CTIF: variants seen among roughly 807,000 people sequenced by gnomAD.
CTIF encodes CBP80/20-dependent translation initiation factor.
In CTIF, 21 loss-of-function variants were observed where a neutral mutation model predicts 66.0. That is an observed-to-expected ratio of 0.32 (90% CI 0.23 to 0.46). The LOEUF (loss-of-function observed/expected upper bound fraction) is 0.46, where lower values mean the gene tolerates loss of function less well. Ranked by LOEUF, CTIF falls within the 20% of genes least tolerant of loss-of-function variation. The pLI is 1.00. For synonymous variants in CTIF, 345 were observed against 326.4 expected (o/e 1.06, Z -0.62); for missense variants, 739 against 812.7 (o/e 0.91, Z 1.10).
intron 1 of CTIF, among the ~76,000 whole-genome samples, chr18:48,596,614 A>G (rs749359313): frequency 3.9e-5 from 6 of 151,962 alleles, no homozygotes; most frequent in Admixed American, 6.5e-5. Context: ...AGTAGCTGGG[A>G]CAACAGGTGT....
chr18:48,624,806 C>T (rs975104251), intron 2 of CTIF, among the ~76,000 whole-genome samples: 4 of 152,180 alleles, frequency 2.6e-5, no homozygotes, highest in African/African-American at 9.7e-5. Flanking sequence ...GGAAAGATAA[C>T]ATGTAGGAAC....
chr18:48,817,274 G>A lies in CTIF; in HGVS notation c.1425G>A (p.Leu475=). ...ELQQQDVERW[L]GFITFLCEVF... is the part of the protein sequence containing the mutation. ...AGCAGCAGGACGTGGAGCGCTGGCT[G>A]GGCTTCATCACCTTCCTGTGCGAGG... The change falls in exon 10 of 12, where the codon CTG becomes CTA. Residue 475 remains leucine (L), a synonymous_variant. Coordinates refer to ENST00000256413, the MANE Select transcript of CTIF (RefSeq NM_014772.3). The A allele has an allele frequency of 6.2e-7, 1 of 1,614,026 alleles. No individual in the cohort carries two copies. The highest frequency in any genetic ancestry group is 8.5e-7 in the Non-Finnish European group (1 of 1,179,958).
At chr18:48,607,474 A>G (rs149033307) in intron 1 of CTIF, among the ~76,000 whole-genome samples, 1,975 of 152,324 alleles carry the variant, frequency 0.013, 33 homozygotes, top group African/African-American at 0.038. Context: ...GCTAATACCA[A>G]GGTGGGCAGA....
At chr18:48,811,475 A>G (rs919165013) in intron 9 of CTIF, among the ~76,000 whole-genome samples, 1 of 152,210 alleles carries the variant, frequency 6.6e-6, no homozygotes, top group Admixed American at 6.5e-5. Context: ...GTACAGTTCA[A>G]TAGTGTAGAG....
intron 10 of CTIF, among the ~76,000 whole-genome samples, chr18:48,833,000 C>CT (rs1467416054): frequency 1.3e-5 from 2 of 152,150 alleles, no homozygotes; most frequent in East Asian, 3.9e-4. Context: ...CCAAGCTCTA[C>CT]TTTTTTTGGA....
intron 9 of CTIF, among the ~76,000 whole-genome samples, chr18:48,772,028 A>G (rs1234292955): frequency 1.3e-5 from 2 of 152,214 alleles, no homozygotes; most frequent in African/African-American, 4.8e-5. Context: ...GCTCCCAGCC[A>G]CTACCAAGAG....
At chr18:48,553,493 G>C (rs2088939163) in intron 1 of CTIF, among the ~76,000 whole-genome samples, 2 of 152,092 alleles carry the variant, frequency 1.3e-5, no homozygotes, top group African/African-American at 4.8e-5. Context: ...CTGTAACCAG[G>C]GCAGTCAGAA....
At chr18:48,706,799 T>C (rs1204335079) in intron 6 of CTIF, among the ~76,000 whole-genome samples, 1 of 152,338 alleles carries the variant, frequency 6.6e-6, no homozygotes, top group East Asian at 1.9e-4. Flanking sequence ...GTGTTCCACG[T>C]GTACTCTGCC....
chr18:48,659,349 C>T (rs1211097191), intron 3 of CTIF, among the ~76,000 whole-genome samples: 1 of 152,162 alleles, frequency 6.6e-6, no homozygotes, highest in East Asian at 1.9e-4. Context: ...GGCCCGATGC[C>T]TTGCCCACTG....
At chr18:48,712,378 A>C (rs969391972) in intron 7 of CTIF, among the ~76,000 whole-genome samples, 1 of 152,202 alleles carries the variant, frequency 6.6e-6, no homozygotes, top group African/African-American at 2.4e-5. Flanking sequence ...ATTTATTTTC[A>C]AAAAGGCTTT....
chr18:48,725,621 G>A (rs1025862451), intron 7 of CTIF, among the ~76,000 whole-genome samples: 6 of 152,116 alleles, frequency 3.9e-5, no homozygotes, highest in African/African-American at 1.2e-4. Flanking sequence ...CCTGCATCCC[G>A]TTTTGTGAAC....
rs75188898 is a variant in CTIF, at chr18:48,548,324, C to T, written c.-29+9012C>T. ...TGGGGCATTTGCTGAGATACTTACA[C>T]GTTTGAACCATGAGATCAAGAAAGT... On this transcript the variant is annotated intron_variant, in intron 1 of 11. Coordinates refer to ENST00000256413, the MANE Select transcript of CTIF (RefSeq NM_014772.3). Among the ~76,000 whole-genome samples, 11 of 152,316 alleles carry T rather than the reference C, an allele frequency of 7.2e-5. No individual in the cohort carries two copies. The East Asian group carries it at 1.7e-3, about 24-fold the overall frequency.
intron 9 of CTIF, among the ~76,000 whole-genome samples, chr18:48,807,584 T>G (rs1250927553): frequency 2.9e-5 from 3 of 102,256 alleles, no homozygotes; most frequent in African/African-American, 1.2e-4. Context: ...TGTTGTGTTT[T>G]TTTTTTTTTT....
chr18:48,730,224 C>T (rs557506341), intron 7 of CTIF, among the ~76,000 whole-genome samples: 36 of 144,550 alleles, frequency 2.5e-4, no homozygotes, highest in Admixed American at 6.1e-4. Flanking sequence ...GTGAGGAGCC[C>T]CCGAAGTGTG....
chr18:48,602,503 G>T (rs960948826), intron 1 of CTIF, among the ~76,000 whole-genome samples: 2 of 152,154 alleles, frequency 1.3e-5, no homozygotes, highest in Admixed American at 6.5e-5. Context: ...TTTTCTCTGT[G>T]GTTCATAAAA....
At chr18:48,584,363 A>G (rs2089723948) in intron 1 of CTIF, among the ~76,000 whole-genome samples, 1 of 152,172 alleles carries the variant, frequency 6.6e-6, no homozygotes, top group Non-Finnish European at 1.5e-5. Context: ...TGCACAAGAA[A>G]CCAGGGACTA....
chr18:48,632,687 C>G (rs777260426), intron 2 of CTIF, among the ~76,000 whole-genome samples: 7 of 152,168 alleles, frequency 4.6e-5, no homozygotes, highest in Non-Finnish European at 8.8e-5. Context: ...AGCCTGTTGC[C>G]CCTCTTGGGC....
chr18:48,842,144 C>G (rs2068959646), intron 10 of CTIF, among the ~76,000 whole-genome samples: 1 of 152,208 alleles, frequency 6.6e-6, no homozygotes, highest in Non-Finnish European at 1.5e-5. Context: ...GTTTTCGAAG[C>G]TCCTGGACTT....
At chr18:48,746,876 C>G (rs1378299411) in intron 7 of CTIF, among the ~76,000 whole-genome samples, 1 of 152,146 alleles carries the variant, frequency 6.6e-6, no homozygotes, top group Non-Finnish European at 1.5e-5. Flanking sequence ...AAGGGTATTC[C>G]TCTCAGTTAT....
Sources: gnomAD v4.1 joint callset for allele counts (sites outside exome capture counted in the v4.1 genomes callset) on GRCh38, gnomAD v4.1.1 for gene constraint, MANE v1.5 for transcripts, NCBI Gene and HGNC (gene_info 2026-07-23, HGNC 2026-07-21) for gene names.